Variants in CELF2 observed in about 807,000 individuals in gnomAD.
CELF2 encodes CUG triplet repeat RNA-binding protein 2.
In CELF2, 8 loss-of-function variants were observed where a neutral mutation model predicts 62.6. The ratio of observed to expected loss-of-function variants is 0.13; its 90% confidence interval spans 0.07 to 0.23. CELF2 has a LOEUF of 0.23. Ranked by LOEUF, CELF2 falls within the 10% of genes least tolerant of loss-of-function variation. The pLI is 1.00. For synonymous variants in CELF2, 258 were observed against 250.0 expected, an observed-to-expected ratio of 1.03 and a Z score of -0.30; for missense variants, 333 against 671.0, an observed-to-expected ratio of 0.50 and a Z score of 5.56.
the CELF2 span, among the ~76,000 whole-genome samples, chr10:10,649,931 G>T: frequency 6.6e-6 from 1 of 152,078 alleles, no homozygotes; most frequent in East Asian, 1.9e-4. Flanking sequence ...GCAGCGGGAT[G>T]ATTTAAGTGG....
the CELF2 span, among the ~76,000 whole-genome samples, chr10:10,583,375 G>A: frequency 2.6e-5 from 4 of 152,118 alleles, no homozygotes; most frequent in Non-Finnish European, 5.9e-5. Flanking sequence ...CACCTACATT[G>A]TCCATGAGCC....
At position 11,330,863 on chromosome 10, in the gene CELF2, GACT is replaced by G. The variant is rs930639810; in HGVS notation, c.*1814_*1816del. 1.3e-5 allele frequency: 2 copies of G among 152,486 alleles called. No individual in the cohort carries two copies. Among genetic ancestry groups the G allele is most frequent in the Non-Finnish European group, 2.9e-5 (2 of 68,016 alleles). 9.4% of individuals were successfully genotyped at this position (152,486 alleles called of 1,614,324 possible). ...GGACACAGAATGTTGGTTTCTAACA[GACT>G]ACTTCCAAAAACAGTTTGAGAAAAA... On this transcript the variant is annotated 3_prime_UTR_variant, in exon 13 of 13. Coordinates refer to ENST00000633077, the MANE Select transcript of CELF2 (RefSeq NM_001326342.2). The surrounding 1 kb of genome is among the most constrained non-coding windows in gnomAD (Gnocchi z 4.5).
At chr10:10,963,634 TGGGTCCATCCTGCC>T (rs371861716) in intron 2 of CELF2, among the ~76,000 whole-genome samples, 3,499 of 152,324 alleles carry the variant, frequency 0.023, 129 homozygotes, top group African/African-American at 0.079. Flanking sequence ...CCTGTATTTA[TGGGTCCATCCTGCC>T]ATATATTTGA....
chr10:10,744,911 A>G, the CELF2 span, among the ~76,000 whole-genome samples: 2 of 152,200 alleles, frequency 1.3e-5, no homozygotes, highest in African/African-American at 4.8e-5. Context: ...CCATTTTACC[A>G]ATCTTTCCTG....
chr10:10,681,209 TC>T, the CELF2 span, among the ~76,000 whole-genome samples: 1 of 152,150 alleles, frequency 6.6e-6, no homozygotes, highest in Non-Finnish European at 1.5e-5. Context: ...CATGTTTATA[TC>T]CCTCATAGTC....
chr10:11,138,270 A>G (rs1595970534), intron 1 of CELF2, among the ~76,000 whole-genome samples: 3 of 152,314 alleles, frequency 2.0e-5, no homozygotes, highest in Non-Finnish European at 4.4e-5. Context: ...TAAATATTAG[A>G]TCATTTCTAA....
intron 1 of CELF2, among the ~76,000 whole-genome samples, chr10:10,901,230 A>G (rs2062917333): frequency 6.6e-6 from 1 of 152,246 alleles, no homozygotes; most frequent in African/African-American, 2.4e-5. Flanking sequence ...TGACAGAGAA[A>G]AACAAAGTTG....
At chr10:10,825,193 G>GT (rs1021012068) in intron 1 of CELF2, among the ~76,000 whole-genome samples, 17 of 151,830 alleles carry the variant, frequency 1.1e-4, no homozygotes, top group Admixed American at 5.3e-4. Flanking sequence ...TTTTGTTGTT[G>GT]TTTTTTTGTT....
At position 10,940,384 on chromosome 10, in the gene CELF2, C is replaced by G. The variant is rs145222202; in HGVS notation, c.89+20385C>G. 2.8e-3 allele frequency among the ~76,000 whole-genome samples: 429 copies of G among 152,306 alleles called. 2 individuals carry two copies. Among genetic ancestry groups the G allele is most frequent in the African/African-American group, 9.9e-3 (412 of 41,556 alleles). On this transcript the variant is annotated intron_variant, in intron 2 of 13. Transcript: ENST00000636488. Reference sequence around the variant, plus strand: ...TGTAGATAATCCCTGCTAAGTCCCACAAAAGCAGCTAACTTGCTCCTTTGT... The same window carrying G: ...TGTAGATAATCCCTGCTAAGTCCCAGAAAAGCAGCTAACTTGCTCCTTTGT...
chr10:10,807,219 C>A (rs1327311980), intron 1 of CELF2, among the ~76,000 whole-genome samples: 1 of 152,194 alleles, frequency 6.6e-6, no homozygotes, highest in Non-Finnish European at 1.5e-5. Flanking sequence ...TGGGTAAATT[C>A]CTTTTCTTTT....
the CELF2 span, among the ~76,000 whole-genome samples, chr10:10,481,268 GT>G: frequency 6.6e-6 from 1 of 152,102 alleles, no homozygotes; most frequent in Non-Finnish European, 1.5e-5. Flanking sequence ...ATGTTTTCAT[GT>G]TTATTTGCAT....
intron 2 of CELF2, among the ~76,000 whole-genome samples, chr10:11,197,002 G>GAA (rs1491260291): frequency 0.036 from 504 of 13,872 alleles, 74 homozygotes; most frequent in African/African-American, 0.14. Flanking sequence ...AGGAAGGAAG[G>GAA]AGAAAGAAAG....
At chr10:10,861,538 C>A (rs2060046543) in intron 1 of CELF2, among the ~76,000 whole-genome samples, 1 of 152,100 alleles carries the variant, frequency 6.6e-6, no homozygotes, top group Non-Finnish European at 1.5e-5. Context: ...AGTTAATGAT[C>A]CCTAGACAAT....
intron 1 of CELF2, among the ~76,000 whole-genome samples, chr10:10,805,593 C>G (rs2055137800): frequency 6.6e-6 from 1 of 152,086 alleles, no homozygotes; most frequent in Non-Finnish European, 1.5e-5. Flanking sequence ...TGGCCTTGAG[C>G]TGTTAGAAAC....
the CELF2 span, among the ~76,000 whole-genome samples, chr10:10,691,341 A>AT: frequency 6.7e-6 from 1 of 149,964 alleles, no homozygotes. Context: ...TGAACTCATC[A>AT]TTTTTTATGG....
the CELF2 span, among the ~76,000 whole-genome samples, chr10:10,591,704 A>G: frequency 6.6e-6 from 1 of 152,212 alleles, no homozygotes; most frequent in Non-Finnish European, 1.5e-5. Flanking sequence ...TTTGATTAGA[A>G]CAAAGATTTT....
rs2071539769 is a variant in CELF2, at chr10:11,075,358, G to T, written c.74+57195G>T. 1 of 152,046 alleles carries T rather than the reference G, an allele frequency of 6.6e-6. No individual in the cohort carries two copies. The highest frequency in any genetic ancestry group is 6.6e-5 in the Admixed American group (1 of 15,264). 9.4% of individuals were successfully genotyped at this position (152,046 alleles called of 1,614,324 possible). A position where few individuals can be genotyped will look rare whatever the true frequency, so the allele number is the denominator to read the frequency against. ...CTTCTAAAACAGAAAAAAAGAAAAG[G>T]TTAATGTGAGAACTGCCCAGTAAAA... On this transcript the variant is annotated intron_variant, in intron 1 of 12. Coordinates refer to ENST00000633077, the MANE Select transcript of CELF2 (RefSeq NM_001326342.2). The surrounding 1 kb of genome is among the most constrained non-coding windows in gnomAD (Gnocchi z 5.4).
intron 9 of CELF2, among the ~76,000 whole-genome samples, chr10:11,294,153 C>T (rs191564477): frequency 6.6e-6 from 1 of 152,322 alleles, no homozygotes; most frequent in Admixed American, 6.5e-5. Flanking sequence ...GTTCTGATGT[C>T]ACGATATAGA....
chr10:11,124,358 C>G (rs1180684570), intron 1 of CELF2, among the ~76,000 whole-genome samples: 1 of 152,146 alleles, frequency 6.6e-6, no homozygotes, highest in Non-Finnish European at 1.5e-5. Context: ...TCCACCTGTT[C>G]ATGAGCCTTT....
Sources: gnomAD v4.1 joint callset for allele counts (sites outside exome capture counted in the v4.1 genomes callset) on GRCh38, gnomAD v4.1.1 for gene constraint, Gnocchi (gnomAD v3.1) non-coding constraint, MANE v1.5 for transcripts, NCBI Gene and HGNC (gene_info 2026-07-23, HGNC 2026-07-21) for gene names.